ZNF514: variants seen among roughly 807,000 people sequenced by gnomAD.
ZNF514 encodes the protein zinc finger protein 514.
A neutral mutation model predicts 9.7 loss-of-function variants in ZNF514; 12 were observed. The observed-to-expected ratio is 1.24, with a 90% CI of 0.79 to 2.01. ZNF514 has a LOEUF of 2.01. Ranked by LOEUF, ZNF514 falls within the 30% of genes most tolerant of loss-of-function variation. The pLI, the probability that ZNF514 is intolerant of heterozygous loss-of-function variation, is 0.00. For synonymous variants in ZNF514, 158 were observed against 163.7 expected (o/e 0.97, Z 0.27); for missense variants, 467 against 465.5 (o/e 1.00, Z -0.03).
the ZNF514 span, among the ~76,000 whole-genome samples, chr2:95,131,033 A>T: frequency 6.6e-5 from 10 of 152,194 alleles, no homozygotes; most frequent in Non-Finnish European, 1.5e-4. Flanking sequence ...TTCACAATTC[A>T]CGTTCTTCTG....
chr2:95,129,892 G>A, the ZNF514 span, among the ~76,000 whole-genome samples: 2 of 152,150 alleles, frequency 1.3e-5, no homozygotes, highest in East Asian at 1.9e-4. Flanking sequence ...CAGCAAGTAG[G>A]AGTCTGGTAA....
chr2:95,157,887 C>T (rs1673730015), intron 1 of ZNF514, among the ~76,000 whole-genome samples: 1 of 152,226 alleles, frequency 6.6e-6, no homozygotes, highest in African/African-American at 2.4e-5. Context: ...CCTCTCCCCT[C>T]ATCCTTGGGA....
rs1673492749 is a variant in ZNF514 at position 95,150,087 on chromosome 2, T to G, written c.398A>C (p.His133Pro). The change falls in exon 5 of 5, where the codon CAC becomes CCC. Residue 133 changes from histidine (H) to proline (P), a missense_variant. Physicochemically the swap from His to Pro is moderately conservative, Grantham distance 77 (BLOSUM62 -2). Transcript: ENST00000295208. ...LEMQQIKQER[H>P]LKQMSTIHKS... ...GTGAATGGTTGACATTTGTTTCAGG[T>G]GTCTCTCCTGTTTTATCTGCTGCAT... is the stretch of plus-strand genomic sequence containing the variant. 1 of 1,613,420 alleles carries G rather than the reference T, an allele frequency of 6.2e-7. No individual in the cohort carries two copies. The highest frequency in any genetic ancestry group is 8.5e-7 in the Non-Finnish European group (1 of 1,180,026).
At chr2:95,142,756 T>TA (rs1421842549), downstream of ZNF514, among the ~76,000 whole-genome samples, 1 of 152,184 alleles carries the variant, frequency 6.6e-6, no homozygotes, top group Non-Finnish European at 1.5e-5. Flanking sequence ...ATTGCTTACT[T>TA]ACTGTTTATG....
At chr2:95,140,275 A>G (rs1328666168), downstream of ZNF514, among the ~76,000 whole-genome samples, 1 of 152,120 alleles carries the variant, frequency 6.6e-6, no homozygotes, top group Non-Finnish European at 1.5e-5. Context: ...CAGAACTTAA[A>G]GTATAATAAT....
chr2:95,154,625 T>C (rs1673639733), intron 2 of ZNF514: 1 of 152,232 alleles, frequency 6.6e-6, no homozygotes, highest in Non-Finnish European at 1.5e-5. Context: ...CTGGTTGTTA[T>C]TGGCTGAGTT....
intron 2 of ZNF514, chr2:95,154,185 G>A (rs1673620414): frequency 6.6e-6 from 1 of 152,248 alleles, no homozygotes; most frequent in Non-Finnish European, 1.5e-5. Flanking sequence ...AGCTACAGGT[G>A]AGCAAAAGCC....
intron 2 of ZNF514, among the ~76,000 whole-genome samples, chr2:95,156,683 T>C (rs1281328446): frequency 6.6e-6 from 1 of 152,222 alleles, no homozygotes; most frequent in Admixed American, 6.5e-5. Flanking sequence ...TCATCATCAT[T>C]AACATTATTA....
the ZNF514 span, among the ~76,000 whole-genome samples, chr2:95,132,773 C>G: frequency 6.7e-6 from 1 of 149,206 alleles, no homozygotes; most frequent in Non-Finnish European, 1.5e-5. Flanking sequence ...GAGGCTGAAG[C>G]AGGAGACTCG....
At chr2:95,157,629 C>G (rs1165834247) in intron 1 of ZNF514, among the ~76,000 whole-genome samples, 190 bp from the exon 2 acceptor site, 1 of 152,182 alleles carries the variant, frequency 6.6e-6, no homozygotes. Context: ...CTGTACACAG[C>G]TGCATGAGGC....
At chr2:95,127,860 C>T in the ZNF514 span, among the ~76,000 whole-genome samples, 2 of 152,076 alleles carry the variant, frequency 1.3e-5, no homozygotes, top group Non-Finnish European at 2.9e-5. Context: ...CCACCTGCCT[C>T]GGCCTCCCAA....
the ZNF514 span, among the ~76,000 whole-genome samples, chr2:95,123,852 A>C: frequency 6.6e-6 from 1 of 152,224 alleles, no homozygotes; most frequent in African/African-American, 2.4e-5. Context: ...GCAAGTTTTG[A>C]TTACTTAGTC....
At chr2:95,138,414 T>C in the ZNF514 span, among the ~76,000 whole-genome samples, 2 of 152,172 alleles carry the variant, frequency 1.3e-5, no homozygotes, top group Non-Finnish European at 2.9e-5. Context: ...AGGTATCAGA[T>C]AGAAATGAGA....
chr2:95,137,443 T>A, the ZNF514 span, among the ~76,000 whole-genome samples: 2 of 152,210 alleles, frequency 1.3e-5, no homozygotes, highest in African/African-American at 4.8e-5. Flanking sequence ...ACTGTTACTA[T>A]CTTAAATTAA....
Position 95,159,273 on chromosome 2 carries a change from G to GATACGGC in ZNF514, c.-130_-129insGCCGTAT. The GATACGGC allele has an allele frequency of 6.1e-6, 1 of 164,210 alleles. No homozygotes were observed. Among genetic ancestry groups the GATACGGC allele is most frequent in the South Asian group, 1.4e-4 (1 of 7,194 alleles). 10.2% of individuals were successfully genotyped at this position (164,210 alleles called of 1,614,324 possible). A position where few individuals can be genotyped will look rare whatever the true frequency, so the allele number is the denominator to read the frequency against. ...CGGCTCCTCCTCAGGACCAGGCTCT[G>GATACGGC]GAACCCAGCTCCCACGTGGATCCAC... On this transcript the variant is annotated 5_prime_UTR_variant, in exon 1 of 5. Transcript: ENST00000295208.
rs542835411 is a variant in ZNF514 at position 95,146,901 on chromosome 2, TG to T, written c.*2380del. Among the ~76,000 whole-genome samples the T allele has an allele frequency of 1.8e-3, 274 of 152,196 alleles. 2 individuals are homozygous for T. The highest frequency in any genetic ancestry group is 6.5e-3 in the African/African-American group (268 of 41,534). On this transcript the variant is annotated 3_prime_UTR_variant, in exon 5 of 5. Coordinates refer to ENST00000295208, the MANE Select transcript of ZNF514 (RefSeq NM_032788.3). ...CCAGGAATAAATTTCTGTGTGATCT[TG>T]ACCTCAGCTGTCCAAGTACTTCCAG... is the stretch of plus-strand genomic sequence containing the variant.
rs1192223295 is a variant in ZNF514 at position 95,147,635 on chromosome 2, GTTGT to G, written c.*1643_*1646del. On this transcript the variant is annotated 3_prime_UTR_variant, in exon 5 of 5. Transcript: ENST00000295208. Reference sequence around the variant, plus strand: ...GATTGTGCATAATACCCATATTTTAGTTGTTTTTTTTTTTTTTTTCTGAGACGGA... The same window carrying G: ...GATTGTGCATAATACCCATATTTTAGTTTTTTTTTTTTTTTCTGAGACGGA... 21 of 146,566 alleles carry G rather than the reference GTTGT, an allele frequency of 1.4e-4. 1 individual carries two copies. The East Asian group carries it at 4.2e-3, about 30-fold the overall frequency. 9.1% of individuals were successfully genotyped at this position (146,566 alleles called of 1,614,324 possible). A position where few individuals can be genotyped will look rare whatever the true frequency, so the allele number is the denominator to read the frequency against.
At chr2:95,153,001 A>C in intron 3 of ZNF514, 132 bp downstream of exon 3, 1 of 1,227,234 alleles carries the variant, frequency 8.1e-7, no homozygotes, top group Non-Finnish European at 1.1e-6. Flanking sequence ...AAGAGAATGT[A>C]AATGTCTGAT....
chr2:95,129,915 A>C, the ZNF514 span, among the ~76,000 whole-genome samples: 4 of 152,194 alleles, frequency 2.6e-5, no homozygotes, highest in African/African-American at 9.7e-5. Context: ...CCACTTAATT[A>C]AGCACAGCCA....
Sources: gnomAD v4.1 joint callset for allele counts (sites outside exome capture counted in the v4.1 genomes callset) on GRCh38, gnomAD v4.1.1 for gene constraint, MANE v1.5 for transcripts, NCBI Gene and HGNC (gene_info 2026-07-23, HGNC 2026-07-21) for gene names.